Variants in CSPP1 observed in about 807,000 individuals in gnomAD.
The protein encoded by CSPP1 is centrosome and spindle pole-associated protein 1.
In CSPP1, 126 loss-of-function variants were observed where a neutral mutation model predicts 164.4. The ratio of observed to expected loss-of-function variants is 0.77; its 90% confidence interval spans 0.66 to 0.89. The LOEUF (loss-of-function observed/expected upper bound fraction) is 0.89. CSPP1 is among the 40% of genes least tolerant of loss of function. CSPP1 has a pLI of 0.00. For synonymous variants in CSPP1, 472 were observed against 476.7 expected, an observed-to-expected ratio of 0.99 and a Z score of 0.13; for missense variants, 1,395 against 1,449.8, an observed-to-expected ratio of 0.96 and a Z score of 0.61.
chr8:67,089,219 A>AT (rs929790327), intron 4 of CSPP1, among the ~76,000 whole-genome samples: 16 of 151,708 alleles, frequency 1.1e-4, no homozygotes, highest in African/African-American at 2.9e-4. Flanking sequence ...GTTTTAATTA[A>AT]TTTTTTTTTC....
Position 67,113,877 on chromosome 8 carries a change from CATCTTTTAATGTTTA to C in CSPP1, c.1245+22_1245+36del, listed in dbSNP as rs754206451. The C allele has an allele frequency of 1.3e-6, 2 of 1,511,016 alleles. No individual in the cohort carries two copies. Among genetic ancestry groups the C allele is most frequent in the South Asian group, 2.3e-5 (2 of 86,212 alleles). The allele number at this position is 1,511,016 out of a possible 1,614,324, so 93.6% of individuals were successfully genotyped here. A position where few individuals can be genotyped will look rare whatever the true frequency, so the allele number is the denominator to read the frequency against. On this transcript the variant is annotated intron_variant, in intron 11 of 30. Coordinates refer to ENST00000678616, the MANE Select transcript of CSPP1 (RefSeq NM_001382391.1). Reference sequence around the variant, plus strand: ...CTGAGAAATCGGTAAGGGTTTCTGGCATCTTTTAATGTTTAATCTTTCATCAAATGATCCTCAAAT... The same window carrying C: ...CTGAGAAATCGGTAAGGGTTTCTGGCATCTTTCATCAAATGATCCTCAAAT...
At chr8:67,102,140 A>T (rs560264178) in intron 7 of CSPP1, among the ~76,000 whole-genome samples, 20 of 152,278 alleles carry the variant, frequency 1.3e-4, no homozygotes, top group African/African-American at 4.3e-4. Flanking sequence ...GTTGTTTATG[A>T]CCTCGTAAGT....
In CSPP1 at chr8:67,118,796, A is replaced by G. The variant is rs1818428821; in HGVS notation, c.1672A>G (p.Thr558Ala). 1 of 1,611,082 alleles carries G rather than the reference A, an allele frequency of 6.2e-7. No individual in the cohort carries two copies. Among genetic ancestry groups the G allele is most frequent in the Non-Finnish European group, 8.5e-7 (1 of 1,177,352 alleles). The change falls in exon 15 of 31, where the codon ACC becomes GCC. Residue 558 changes from threonine to alanine, a missense_variant. Physicochemically the swap from Thr to Ala is moderately conservative, Grantham distance 58. Coordinates refer to ENST00000678616, the MANE Select transcript of CSPP1 (RefSeq NM_001382391.1). The part of the protein sequence containing the change: ...QPAAYVSAPV[T>A]HQLAQPVVNT... ...TGCAGCTTATGTTAGTGCTCCTGTC[A>G]CCCACCAACTAGCACAACCTGTTGT...
At chr8:67,093,709 G>T in intron 6 of CSPP1, 68 bp downstream of exon 6, 1 of 904,962 alleles carries the variant, frequency 1.1e-6, no homozygotes, top group South Asian at 1.9e-5. Flanking sequence ...TACTTGAAAA[G>T]CTTTTTCTAT....
chr8:67,067,935 T>C (rs1387733222), intron 1 of CSPP1, among the ~76,000 whole-genome samples: 2 of 151,652 alleles, frequency 1.3e-5, no homozygotes. Context: ...CTACAGCCTC[T>C]GCTTCCTGGG....
At chr8:67,167,597 G>A (rs868512549) in intron 24 of CSPP1, among the ~76,000 whole-genome samples, 137 of 148,464 alleles carry the variant, frequency 9.2e-4, no homozygotes, top group Middle Eastern at 7.1e-3. Context: ...GCTGCCGGGC[G>A]GAGGGGCTCC....
At position 67,188,928 on chromosome 8, in the gene CSPP1, C is replaced by G. The variant is rs569597162; in HGVS notation, c.3221-1722C>G. Among the ~76,000 whole-genome samples the G allele has an allele frequency of 2.0e-5, 3 of 152,284 alleles. No individual in the cohort carries two copies. The East Asian group carries it at 5.8e-4, about 29-fold the overall frequency. ...CACCGCATGGCCCAAGATTCCATTC[C>G]TTGGAATCTGTGAGGCCAAGAACCC... On this transcript the variant is annotated intron_variant, in intron 28 of 30. Coordinates refer to ENST00000678616, the MANE Select transcript of CSPP1 (RefSeq NM_001382391.1).
intron 2 of CSPP1, chr8:67,074,731 AT>A (rs1340327955): frequency 1.2e-5 from 3 of 246,144 alleles, no homozygotes; most frequent in African/African-American, 7.1e-5. Context: ...AAGTGAATTT[AT>A]TAATTTATTT....
chr8:67,131,404 C>T (rs1482313275), intron 15 of CSPP1, among the ~76,000 whole-genome samples: 1 of 152,112 alleles, frequency 6.6e-6, no homozygotes, highest in Non-Finnish European at 1.5e-5. Flanking sequence ...ACCAAAAAAA[C>T]AGCACTTTAT....
intron 24 of CSPP1, among the ~76,000 whole-genome samples, chr8:67,166,013 A>G (rs1829243408): frequency 6.6e-6 from 1 of 152,144 alleles, no homozygotes; most frequent in African/African-American, 2.4e-5. Context: ...TATTTATCAT[A>G]TACTTTGGGT....
chr8:67,160,470 A>G (rs1828124702), intron 21 of CSPP1, among the ~76,000 whole-genome samples: 1 of 151,916 alleles, frequency 6.6e-6, no homozygotes, highest in African/African-American at 2.4e-5. Context: ...ATCTCAAAAA[A>G]AAAAAAAAAA....
At chr8:67,065,940 C>T (rs1277387620) in intron 1 of CSPP1, among the ~76,000 whole-genome samples, 1 of 152,104 alleles carries the variant, frequency 6.6e-6, no homozygotes, top group Non-Finnish European at 1.5e-5. Flanking sequence ...AGCTTTCAGA[C>T]AAATATGAAT....
At position 67,103,149 on chromosome 8, in the gene CSPP1, T is replaced by C; in HGVS notation, c.1022+14T>C. ...TGAAAATAAAAGGTACAGTATGTAA[T>C]ATAAATTCTCTGCTTTAGTCATTAC... On this transcript the variant is annotated intron_variant, in intron 8 of 30. Coordinates refer to ENST00000678616, the MANE Select transcript of CSPP1 (RefSeq NM_001382391.1). 2.0e-6 allele frequency: 3 copies of C among 1,473,650 alleles called. No individual in the cohort carries two copies. The highest frequency in any genetic ancestry group is 1.1e-5 in the South Asian group (1 of 87,106). 91.3% of individuals were successfully genotyped at this position (1,473,650 alleles called of 1,614,324 possible). A position where few individuals can be genotyped will look rare whatever the true frequency, so the allele number is the denominator to read the frequency against.
chr8:67,071,759 G>T (rs1009586131), intron 1 of CSPP1, among the ~76,000 whole-genome samples: 8 of 152,090 alleles, frequency 5.3e-5, no homozygotes, highest in Non-Finnish European at 1.2e-4. Flanking sequence ...ACTTTAATGG[G>T]ACTTTGGAAG....
chr8:67,193,029 T>C (rs1321966988), intron 29 of CSPP1, among the ~76,000 whole-genome samples: 3 of 152,246 alleles, frequency 2.0e-5, no homozygotes, highest in South Asian at 2.1e-4. Context: ...TGGATAAGCA[T>C]AGGAGCCATA....
chr8:67,137,378 A>G (rs964060268), intron 16 of CSPP1, 78 bp from the exon 17 acceptor site: 3 of 1,128,814 alleles, frequency 2.7e-6, no homozygotes, highest in Admixed American at 7.3e-5. Context: ...TAATACAAAA[A>G]ATAACATCTG....
intron 27 of CSPP1, among the ~76,000 whole-genome samples, chr8:67,178,930 T>C (rs1203461400): frequency 2.6e-5 from 4 of 152,190 alleles, no homozygotes; most frequent in Admixed American, 2.6e-4. Flanking sequence ...TTTTACTTGA[T>C]CCACTGACTG....
chr8:67,103,756 C>G (rs544031330), intron 8 of CSPP1, among the ~76,000 whole-genome samples: 1 of 149,134 alleles, frequency 6.7e-6, no homozygotes, highest in Non-Finnish European at 1.5e-5. Flanking sequence ...AGGAGAATGG[C>G]GTGAACCCAG....
chr8:67,154,303 A>T (rs1177315402), intron 19 of CSPP1, among the ~76,000 whole-genome samples, 167 bp downstream of exon 19: 1 of 152,172 alleles, frequency 6.6e-6, no homozygotes, highest in Non-Finnish European at 1.5e-5. Context: ...ATTTCATTTC[A>T]AGGAAATAAA....
Sources: allele counts gnomAD v4.1 joint callset (sites outside exome capture counted in the v4.1 genomes callset), GRCh38; gene constraint gnomAD v4.1.1; transcripts MANE v1.5; gene names NCBI Gene and HGNC (gene_info 2026-07-23, HGNC 2026-07-21).